SOX5: variants seen among roughly 807,000 people sequenced by gnomAD.
SOX5 encodes the protein SRY-box transcription factor 5, also known as transcription factor SOX-5.
SOX5 carries 9 observed loss-of-function variants against 92.0 expected under a neutral mutation model. The ratio of observed to expected loss-of-function variants is 0.10; its 90% CI spans 0.06 to 0.17. The LOEUF (loss-of-function observed/expected upper bound fraction) is 0.17. Among genes scored for constraint, SOX5 ranks in the 10% least tolerant of loss-of-function variants. The pLI is 1.00. For missense variants in SOX5, 642 were observed against 944.5 expected (o/e 0.68, Z 4.20); for synonymous variants, 344 against 336.3 (o/e 1.02, Z -0.25).
At chr12:23,931,896 A>T (rs1052218718) in intron 1 of SOX5, among the ~76,000 whole-genome samples, 2 of 151,622 alleles carry the variant, frequency 1.3e-5, no homozygotes, top group Non-Finnish European at 3.0e-5. Context: ...AATGGTATTC[A>T]TGGCTATCTT....
chr12:23,918,948 A>G (rs2097450893), intron 1 of SOX5, among the ~76,000 whole-genome samples: 1 of 151,914 alleles, frequency 6.6e-6, no homozygotes, highest in Non-Finnish European at 1.5e-5. Context: ...AGAAAGAAAA[A>G]TGGCCCCCAA....
chr12:24,299,352 G>A (rs1018432347), intron 2 of SOX5, among the ~76,000 whole-genome samples: 28 of 152,234 alleles, frequency 1.8e-4, no homozygotes, highest in African/African-American at 6.7e-4. Flanking sequence ...ACAGACCCAA[G>A]TCTGAAAGAA....
At chr12:24,073,373 T>C (rs1942056944) in intron 4 of SOX5, among the ~76,000 whole-genome samples, 2 of 152,132 alleles carry the variant, frequency 1.3e-5, no homozygotes, top group Admixed American at 1.3e-4. Flanking sequence ...AAAATTTAAG[T>C]TTACGACCCC....
chr12:23,531,446 T>C lies in SOX5; in HGVS notation c.*2773A>G, dbSNP rs970114641. The C allele has an allele frequency of 1.2e-4, 18 of 152,238 alleles. No individual in the cohort carries two copies. The highest frequency in any genetic ancestry group is 2.1e-4 in the Non-Finnish European group (14 of 68,038). The allele number at this position is 152,238 out of a possible 1,614,324, so 9.4% of individuals were successfully genotyped here. The stretch of plus-strand genomic sequence containing the variant: ...AGCCATGAATGCCTTCAATGGCATC[T>C]ACCTGGAGCTAAAACAAAGTATTCT... On this transcript the variant is annotated 3_prime_UTR_variant, in exon 15 of 15. Transcript: ENST00000451604.
At chr12:24,002,915 CA>C (rs989548377) in intron 4 of SOX5, among the ~76,000 whole-genome samples, 2 of 128,644 alleles carry the variant, frequency 1.6e-5, no homozygotes, top group African/African-American at 5.3e-5. Context: ...TATATAGACA[CA>C]AAAATTTGAG....
At chr12:23,950,278 ACACT>A (rs1436503997), upstream of SOX5, among the ~76,000 whole-genome samples, 335 of 152,032 alleles carry the variant, frequency 2.2e-3, no homozygotes, top group African/African-American at 7.6e-3. Context: ...ACACACACAC[ACACT>A]CACACACACA....
intron 1 of SOX5, among the ~76,000 whole-genome samples, chr12:24,401,069 G>C (rs991839493): frequency 1.3e-5 from 2 of 152,126 alleles, no homozygotes; most frequent in Non-Finnish European, 1.5e-5. Context: ...AATGCACTTT[G>C]TTGGCCAGGC....
intron 1 of SOX5, among the ~76,000 whole-genome samples, chr12:23,913,816 ATATC>A: frequency 6.6e-6 from 1 of 152,238 alleles, no homozygotes; most frequent in Admixed American, 6.5e-5. Context: ...AGAACAGACA[ATATC>A]TTGTTCCCCC....
chr12:24,139,752 A>G (rs867681857), intron 4 of SOX5, among the ~76,000 whole-genome samples: 5 of 152,308 alleles, frequency 3.3e-5, no homozygotes, highest in African/African-American at 9.6e-5. Context: ...TTAACGGGTG[A>G]TTCTTTTTAG....
At chr12:24,074,156 C>T (rs2137484211) in intron 4 of SOX5, among the ~76,000 whole-genome samples, 2 of 152,110 alleles carry the variant, frequency 1.3e-5, no homozygotes, top group East Asian at 1.9e-4. Flanking sequence ...TAAATGTATC[C>T]AAATGGAAAT....
At chr12:24,138,886 C>T (rs914138965) in intron 4 of SOX5, among the ~76,000 whole-genome samples, 4 of 152,066 alleles carry the variant, frequency 2.6e-5, no homozygotes, top group African/African-American at 9.7e-5. Context: ...TGTGTGTATC[C>T]CAGGCAACAT....
intron 3 of SOX5, among the ~76,000 whole-genome samples, chr12:24,225,878 C>T (rs1403586059): frequency 2.0e-5 from 3 of 152,142 alleles, no homozygotes; most frequent in Admixed American, 6.5e-5. Context: ...TCTCGTCTCT[C>T]GCCAAAAGGG....
At chr12:23,833,764 T>C (rs2096369300) in intron 3 of SOX5, among the ~76,000 whole-genome samples, 1 of 151,884 alleles carries the variant, frequency 6.6e-6, no homozygotes, top group Admixed American at 6.6e-5. Flanking sequence ...GGGGTATACA[T>C]GTCAGAAGAT....
intron 1 of SOX5, among the ~76,000 whole-genome samples, chr12:24,511,433 T>A (rs1293520996): frequency 1.3e-5 from 2 of 152,194 alleles, no homozygotes; most frequent in African/African-American, 4.8e-5. Context: ...GATCAAGAAC[T>A]GTCCATAAAC....
rs1938905775 is a variant in SOX5 at position 23,530,850 on chromosome 12, A to T, written c.*3369T>A. ...GCGCGCGCGCGCATGTGAGAGAGAG[A>T]GAGAAAGGGAAAGAGATAAAGTGTG... On this transcript the variant is annotated 3_prime_UTR_variant, in exon 15 of 15. Coordinates refer to ENST00000451604, the MANE Select transcript of SOX5 (RefSeq NM_006940.6). 2 of 57,748 alleles carry T rather than the reference A, an allele frequency of 3.5e-5. No homozygotes were observed. The highest frequency in any genetic ancestry group is 1.4e-3 in the South Asian group (2 of 1,416). The allele number at this position is 57,748 out of a possible 1,614,324, so 3.6% of individuals were successfully genotyped here.
At chr12:23,861,845 A>G (rs1248191664) in intron 2 of SOX5, among the ~76,000 whole-genome samples, 1 of 152,174 alleles carries the variant, frequency 6.6e-6, no homozygotes, top group African/African-American at 2.4e-5. Flanking sequence ...TCTATTCATT[A>G]TACTTAGCAA....
At chr12:24,451,775 A>T in intron 1 of SOX5, among the ~76,000 whole-genome samples, 1 of 152,214 alleles carries the variant, frequency 6.6e-6, no homozygotes, top group East Asian at 1.9e-4. Flanking sequence ...CCCATGTTTA[A>T]AATGGAGTTG....
intron 4 of SOX5, among the ~76,000 whole-genome samples, chr12:24,136,852 G>A (rs1416213527): frequency 2.6e-5 from 4 of 152,204 alleles, no homozygotes; most frequent in African/African-American, 9.6e-5. Context: ...TATGCTATCT[G>A]TTGTATTCAG....
intron 2 of SOX5, among the ~76,000 whole-genome samples, chr12:23,857,428 G>A (rs2096705300): frequency 6.6e-6 from 1 of 152,140 alleles, no homozygotes; most frequent in Non-Finnish European, 1.5e-5. Context: ...CTAGATTGTA[G>A]CAGTGGGAGT....
Sources: allele counts gnomAD v4.1 joint callset (sites outside exome capture counted in the v4.1 genomes callset), GRCh38; gene constraint gnomAD v4.1.1; transcripts MANE v1.5; gene names NCBI Gene and HGNC (gene_info 2026-07-23, HGNC 2026-07-21).